GSDME: variants seen among roughly 807,000 people sequenced by gnomAD.
GSDME encodes the protein gasdermin-E.
GSDME carries 44 observed loss-of-function variants against 47.5 expected under a neutral mutation model. That is an observed-to-expected ratio of 0.93 (90% confidence interval 0.73 to 1.19). The LOEUF is 1.19. GSDME is among the 50% of genes most tolerant of loss of function. GSDME has a pLI of 0.00. For synonymous variants in GSDME, 258 were observed against 252.8 expected, an observed-to-expected ratio of 1.02 and a Z score of -0.20; for missense variants, 663 against 604.2, an observed-to-expected ratio of 1.10 and a Z score of -1.02.
the GSDME span, among the ~76,000 whole-genome samples, chr7:24,795,120 G>A: frequency 6.6e-6 from 1 of 152,186 alleles, no homozygotes; most frequent in African/African-American, 2.4e-5. Flanking sequence ...TCCAAGCGCC[G>A]ATTCCTTCCC....
the GSDME span, among the ~76,000 whole-genome samples, chr7:24,783,795 G>T: frequency 2.6e-5 from 4 of 152,064 alleles, no homozygotes; most frequent in Admixed American, 2.0e-4. Flanking sequence ...GAGGGGAGGA[G>T]TCTAGAATTA....
In GSDME at chr7:24,742,023, A is replaced by T. The variant is rs1375334667; in HGVS notation, c.404+2539T>A. The stretch of plus-strand genomic sequence containing the variant: ...CATGCTTCTGGTGGCACCACTCCCC[A>T]GGGCATCCCTTCCCCCATCACCACT... On this transcript the variant is annotated intron_variant, in intron 3 of 9. Coordinates refer to ENST00000645220, the MANE Select transcript of GSDME (RefSeq NM_001127453.2). The surrounding 1 kb of genome is among the most constrained non-coding windows in gnomAD (Gnocchi z 4.4). Among the ~76,000 whole-genome samples, 1 of 152,078 alleles carries T rather than the reference A, an allele frequency of 6.6e-6. No homozygotes were observed.
Position 24,720,907 on chromosome 7 carries a change from C to CA in GSDME, c.405-1690dup, listed in dbSNP as rs36086754. ...GGGCAACAAGAGCGAAACTCCGTCT[C>CA]AAAAAAAAAAAAAAAGAAGTGAAGT... On this transcript the variant is annotated intron_variant, in intron 3 of 9. Transcript: ENST00000645220. Among the ~76,000 whole-genome samples, 956 of 124,130 alleles carry CA rather than the reference C, an allele frequency of 7.7e-3. 8 individuals carry two copies. Among genetic ancestry groups the CA allele is most frequent in the Admixed American group, 0.026 (317 of 12,320 alleles). The allele number at this position is 124,130 out of a possible 152,430, so 81.4% of individuals were successfully genotyped here.
rs148807601 is a variant in GSDME, at chr7:24,748,321, G to A, written c.211+1243C>T. 6.6e-3 allele frequency among the ~76,000 whole-genome samples: 1,000 copies of A among 151,684 alleles called. 10 individuals are homozygous for A. Among genetic ancestry groups the A allele is most frequent in the African/African-American group, 0.023 (955 of 41,394 alleles). ...ATTACAGGTGCCTACCACCTTGCCC[G>A]GCTAATTTTTATATTTTTAGTAGAG... On this transcript the variant is annotated intron_variant, in intron 2 of 9. Coordinates refer to ENST00000645220, the MANE Select transcript of GSDME (RefSeq NM_001127453.2).
At chr7:24,786,014 T>C in the GSDME span, among the ~76,000 whole-genome samples, 1 of 152,232 alleles carries the variant, frequency 6.6e-6, no homozygotes, top group East Asian at 1.9e-4. The surrounding 1 kb of genome is among the most constrained non-coding windows in gnomAD (Gnocchi z 5.5). Context: ...GTAAGCTCCG[T>C]GAGGGCAGGG....
At chr7:24,738,876 T>C (rs906867154) in intron 3 of GSDME, among the ~76,000 whole-genome samples, 5 of 152,256 alleles carry the variant, frequency 3.3e-5, no homozygotes, top group East Asian at 1.9e-4. Context: ...AGAGCATACA[T>C]TGGGGAAAGG....
rs1789051021 is a variant in GSDME at position 24,705,344 on chromosome 7, A to C, written c.1183+840T>G. 1.3e-5 allele frequency: 2 copies of C among 152,444 alleles called. No homozygotes were observed. The highest frequency in any genetic ancestry group is 4.1e-4 in the South Asian group (2 of 4,834). The allele number at this position is 152,444 out of a possible 1,614,324, so 9.4% of individuals were successfully genotyped here. ...CAAGACAGAGCATATATTTATCAGC[A>C]CATAGAGTTGGGACAGGCATTCTCT... On this transcript the variant is annotated intron_variant, in intron 8 of 9. Transcript: ENST00000645220. This position sits in a 1 kb window ranked among gnomAD's most constrained non-coding sequence, Gnocchi z 4.1.
At chr7:24,795,465 A>G in the GSDME span, among the ~76,000 whole-genome samples, 1 of 152,140 alleles carries the variant, frequency 6.6e-6, no homozygotes, top group Admixed American at 6.5e-5. Flanking sequence ...CGAGTGAACA[A>G]TTCCTGTCCC....
chr7:24,789,630 G>A, the GSDME span, among the ~76,000 whole-genome samples: 3,596 of 152,264 alleles, frequency 0.024, 141 homozygotes, highest in African/African-American at 0.082. Context: ...CCAGGCCCAG[G>A]GCGCAAGCTG....
At position 24,739,924 on chromosome 7, in the gene GSDME, C is replaced by A. The variant is rs369428571; in HGVS notation, c.404+4638G>T. Among the ~76,000 whole-genome samples the A allele has an allele frequency of 2.4e-4, 36 of 152,204 alleles. No homozygotes were observed. The highest frequency in any genetic ancestry group is 8.7e-4 in the African/African-American group (36 of 41,538). ...CCTGGCCAATATGGTGAAACCCCAT[C>A]TCTACTAAAAATACAAAAATTAGCC... On this transcript the variant is annotated intron_variant, in intron 3 of 9. Transcript: ENST00000645220. The surrounding 1 kb of genome is among the most constrained non-coding windows in gnomAD (Gnocchi z 5.1).
chr7:24,740,084 C>G (rs1790438637), intron 3 of GSDME, among the ~76,000 whole-genome samples: 1 of 121,244 alleles, frequency 8.2e-6, no homozygotes, highest in Non-Finnish European at 1.6e-5. Flanking sequence ...CAGAGCAAGA[C>G]TCCATCTCAA....
the GSDME span, among the ~76,000 whole-genome samples, chr7:24,778,464 T>G: frequency 2.8e-4 from 43 of 152,304 alleles, 1 homozygote; most frequent in South Asian, 2.1e-4. The surrounding 1 kb of genome is among the most constrained non-coding windows in gnomAD (Gnocchi z 5.6). Context: ...AGACTTTTTA[T>G]TTTGTTTTGT....
At chr7:24,776,583 A>G in the GSDME span, among the ~76,000 whole-genome samples, 2 of 152,192 alleles carry the variant, frequency 1.3e-5, no homozygotes, top group Admixed American at 6.5e-5. Flanking sequence ...TGTGATCAAG[A>G]GTTTGTTTTT....
the GSDME span, among the ~76,000 whole-genome samples, chr7:24,770,937 G>A: frequency 6.6e-6 from 1 of 150,994 alleles, no homozygotes; most frequent in Non-Finnish European, 1.5e-5. This position sits in a 1 kb window ranked among gnomAD's most constrained non-coding sequence, Gnocchi z 4.6. Context: ...TAACATTAGC[G>A]TAATGGAAAT....
chr7:24,744,983 ACG>A lies in GSDME; in HGVS notation c.212-231_212-230del, dbSNP rs1491406473. ...CGGGCACACAGTGGACCAGTGCAGC[ACG>A]TGTGTGTGTGTGTGTGTGTGTGTGT... On this transcript the variant is annotated intron_variant, in intron 2 of 9. Coordinates refer to ENST00000645220, the MANE Select transcript of GSDME (RefSeq NM_001127453.2). This position sits in a 1 kb window ranked among gnomAD's most constrained non-coding sequence, Gnocchi z 4.5. Among the ~76,000 whole-genome samples, 1 of 56,098 alleles carries A rather than the reference ACG, an allele frequency of 1.8e-5. No individual in the cohort carries two copies. Among genetic ancestry groups the A allele is most frequent in the African/African-American group, 6.3e-5 (1 of 15,806 alleles). 36.8% of individuals were successfully genotyped at this position (56,098 alleles called of 152,430 possible).
intron 3 of GSDME, among the ~76,000 whole-genome samples, chr7:24,741,673 A>G (rs1350302004): frequency 1.3e-5 from 2 of 152,198 alleles, no homozygotes; most frequent in African/African-American, 4.8e-5. Flanking sequence ...ACTGAAAATA[A>G]GCCCTCGGGA....
the GSDME span, among the ~76,000 whole-genome samples, chr7:24,769,738 A>G: frequency 3.3e-5 from 5 of 152,240 alleles, no homozygotes; most frequent in African/African-American, 1.2e-4. Context: ...AGGCATGCTG[A>G]AAAGTAAAAA....
upstream of GSDME, among the ~76,000 whole-genome samples, chr7:24,759,548 C>G (rs770900030): frequency 2.1e-4 from 32 of 152,310 alleles, no homozygotes; most frequent in Admixed American, 6.5e-5. Flanking sequence ...TTAATCCTTA[C>G]AACTATTTGG....
chr7:24,750,550 C>T (rs1313052766), intron 1 of GSDME, among the ~76,000 whole-genome samples: 2 of 152,196 alleles, frequency 1.3e-5, no homozygotes, highest in East Asian at 3.9e-4. Context: ...GAGTTCAAAA[C>T]TGCAGTGAGC....
Sources: gnomAD v4.1 joint callset for allele counts (sites outside exome capture counted in the v4.1 genomes callset) on GRCh38, gnomAD v4.1.1 for gene constraint, Gnocchi (gnomAD v3.1) non-coding constraint, MANE v1.5 for transcripts, NCBI Gene and HGNC (gene_info 2026-07-23, HGNC 2026-07-21) for gene names.